The following LRP1B variants were observed in gnomAD, a reference collection of about 807,000 sequenced individuals.
LRP1B encodes the protein low-density lipoprotein receptor-related protein 1B.
A neutral mutation model predicts 556.6 loss-of-function variants in LRP1B; 217 were observed. That is an observed-to-expected ratio of 0.39 (90% confidence interval 0.35 to 0.44). The LOEUF is 0.44. Among genes scored for constraint, LRP1B ranks in the 20% least tolerant of loss-of-function variants. The pLI, the probability that LRP1B is intolerant of heterozygous loss-of-function variation, is 1.00. For missense variants in LRP1B, 5,053 were observed against 5,620.8 expected, an observed-to-expected ratio of 0.90 and a Z score of 3.23; for synonymous variants, 2,047 against 1,865.8, an observed-to-expected ratio of 1.10 and a Z score of -2.50.
chr2:142,012,116 C>T (rs1289074867), intron 1 of LRP1B, among the ~76,000 whole-genome samples: 5 of 152,150 alleles, frequency 3.3e-5, no homozygotes, highest in Admixed American at 6.5e-5. Context: ...TATTCATTAT[C>T]GTCTTCATCT....
chr2:141,113,270 C>G (rs1700799682), intron 7 of LRP1B, among the ~76,000 whole-genome samples: 1 of 152,020 alleles, frequency 6.6e-6, no homozygotes, highest in South Asian at 2.1e-4. Flanking sequence ...GCTTTCAGAG[C>G]AACTAAAAAG....
At chr2:141,324,094 C>T (rs1024157697) in intron 3 of LRP1B, among the ~76,000 whole-genome samples, 3 of 145,606 alleles carry the variant, frequency 2.1e-5, no homozygotes, top group African/African-American at 7.7e-5. Flanking sequence ...TACATGTACT[C>T]ACATACCTGA....
intron 72 of LRP1B, among the ~76,000 whole-genome samples, chr2:140,360,797 A>G (rs753629993): frequency 2.6e-4 from 40 of 151,664 alleles, no homozygotes; most frequent in Non-Finnish European, 5.3e-4. Context: ...GAATTTCAAC[A>G]AATTTCTATT....
chr2:141,617,605 T>A (rs573127641), intron 2 of LRP1B, among the ~76,000 whole-genome samples: 46 of 152,324 alleles, frequency 3.0e-4, no homozygotes, highest in Non-Finnish European at 5.0e-4. Context: ...GGTAAGAGAA[T>A]ATGCATTTTT....
intron 7 of LRP1B, among the ~76,000 whole-genome samples, chr2:141,112,150 G>C (rs374239364): frequency 2.3e-4 from 35 of 152,092 alleles, no homozygotes; most frequent in African/African-American, 7.9e-4. Context: ...TCCTGGTCAT[G>C]AGACAAGAAC....
At chr2:141,835,250 A>G (rs1387586520) in intron 1 of LRP1B, among the ~76,000 whole-genome samples, 1 of 151,972 alleles carries the variant, frequency 6.6e-6, no homozygotes, top group East Asian at 1.9e-4. Context: ...TAAATCACTC[A>G]TCTTTTATAG....
In LRP1B at chr2:140,308,759, G is replaced by T. The variant is rs139605730; in HGVS notation, c.12805+6176C>A. ...GCAGTATTTAAGTGACACTTAAACT[G>T]CAGAGCATAGTTATAAATGTTTATA... is the stretch of plus-strand genomic sequence containing the variant. On this transcript the variant is annotated intron_variant, in intron 83 of 90. Transcript: ENST00000389484. 3.7e-3 allele frequency among the ~76,000 whole-genome samples: 556 copies of T among 151,930 alleles called. 4 individuals carry two copies. The highest frequency in any genetic ancestry group is 0.013 in the African/African-American group (527 of 41,522).
At chr2:141,721,299 T>C (rs990832156) in intron 2 of LRP1B, among the ~76,000 whole-genome samples, 1 of 152,196 alleles carries the variant, frequency 6.6e-6, no homozygotes, top group East Asian at 1.9e-4. Flanking sequence ...GATGGTGTTA[T>C]TGCTCTTATA....
At position 141,014,306 on chromosome 2, in the gene LRP1B, T is replaced by C. The variant is rs1227403405; in HGVS notation, c.2191-561A>G. On this transcript the variant is annotated intron_variant, in intron 13 of 90. Coordinates refer to ENST00000389484, the MANE Select transcript of LRP1B (RefSeq NM_018557.3). Reference sequence around the variant, plus strand: ...TTTAATTTAAACACAGACACATTTATTATTAGTAAATAGATAAAAACTCAC... The same window carrying C: ...TTTAATTTAAACACAGACACATTTACTATTAGTAAATAGATAAAAACTCAC... 3.3e-5 allele frequency among the ~76,000 whole-genome samples: 5 copies of C among 152,084 alleles called. No homozygotes were observed. The South Asian group carries it at 6.2e-4, about 19-fold the overall frequency.
intron 35 of LRP1B, among the ~76,000 whole-genome samples, chr2:140,759,342 T>C (rs1688842713): frequency 2.0e-5 from 3 of 152,170 alleles, no homozygotes; most frequent in African/African-American, 7.2e-5. Flanking sequence ...TAATCTAGTC[T>C]AGAATTTTAT....
At chr2:142,023,679 T>G (rs936085296) in intron 1 of LRP1B, among the ~76,000 whole-genome samples, 1 of 152,198 alleles carries the variant, frequency 6.6e-6, no homozygotes, top group Non-Finnish European at 1.5e-5. Flanking sequence ...ACAAAATGCC[T>G]TGAGCCAATT....
intron 2 of LRP1B, among the ~76,000 whole-genome samples, chr2:141,486,374 ATTT>A (rs1260144792): frequency 1.3e-5 from 2 of 152,192 alleles, no homozygotes; most frequent in Non-Finnish European, 2.9e-5. Context: ...TGTTTAAATT[ATTT>A]TTAAGTATAG....
chr2:140,800,624 G>A (rs895127880), intron 32 of LRP1B, among the ~76,000 whole-genome samples: 2 of 151,898 alleles, frequency 1.3e-5, no homozygotes, highest in African/African-American at 4.8e-5. Context: ...AATGTTGTTC[G>A]GCCTGGTTAT....
At chr2:140,910,643 A>G (rs141414229) in intron 21 of LRP1B, among the ~76,000 whole-genome samples, 7 of 151,884 alleles carry the variant, frequency 4.6e-5, no homozygotes, top group African/African-American at 1.7e-4. Context: ...GATAACAATC[A>G]ATCCAAGTGC....
At chr2:141,070,864 T>C (rs1456347435) in intron 7 of LRP1B, among the ~76,000 whole-genome samples, 1 of 152,006 alleles carries the variant, frequency 6.6e-6, no homozygotes, top group African/African-American at 2.4e-5. Flanking sequence ...CAATAATCAA[T>C]AGCTTACCAA....
chr2:141,656,900 G>T (rs1274604057), intron 2 of LRP1B, among the ~76,000 whole-genome samples: 2 of 151,966 alleles, frequency 1.3e-5, no homozygotes, highest in Admixed American at 6.6e-5. Context: ...CTAATAGAAG[G>T]TGGGCTTAGA....
In LRP1B at chr2:140,503,113, C is replaced by G. The variant is rs2104896734; in HGVS notation, c.8522-10G>C. 6.2e-7 allele frequency: 1 copy of G among 1,611,474 alleles called. No individual in the cohort carries two copies. Among genetic ancestry groups the G allele is most frequent in the Non-Finnish European group, 8.5e-7 (1 of 1,178,362 alleles). ...CCACACTGTCGATATCCTAGAGACG[C>G]AGAAAAAACATTTGACTAATTCACA... On this transcript the variant is annotated splice_polypyrimidine_tract_variant and intron_variant, in intron 53 of 90. Transcript: ENST00000389484.
intron 2 of LRP1B, among the ~76,000 whole-genome samples, chr2:141,511,873 A>G (rs929766714): frequency 6.6e-6 from 1 of 152,190 alleles, no homozygotes; most frequent in African/African-American, 2.4e-5. Flanking sequence ...GAGCTAATGG[A>G]TTATTTCCCT....
intron 43 of LRP1B, among the ~76,000 whole-genome samples, chr2:140,564,915 T>C (rs1024683798): frequency 6.6e-6 from 1 of 152,100 alleles, no homozygotes; most frequent in Non-Finnish European, 1.5e-5. Flanking sequence ...TTCAGAAACA[T>C]TGATATCCTG....
Sources: gnomAD v4.1 joint callset for allele counts (sites outside exome capture counted in the v4.1 genomes callset) on GRCh38, gnomAD v4.1.1 for gene constraint, MANE v1.5 for transcripts, NCBI Gene and HGNC (gene_info 2026-07-23, HGNC 2026-07-21) for gene names.